RUNDC3B: variants seen among roughly 807,000 people sequenced by gnomAD.
The protein encoded by RUNDC3B is RUN domain containing 3B, also known as RUN domain-containing protein 3B.
A neutral mutation model predicts 58.4 loss-of-function variants in RUNDC3B; 33 were observed. The ratio of observed to expected loss-of-function variants is 0.56; its 90% confidence interval spans 0.43 to 0.75. The LOEUF (loss-of-function observed/expected upper bound fraction) is 0.75, where lower values mean the gene tolerates loss of function less well. Ranked by LOEUF, RUNDC3B falls within the 30% of genes least tolerant of loss-of-function variation. The probability of loss-of-function intolerance (pLI) is 0.00; values close to 1 mark genes in which losing one functional copy is unlikely to be tolerated. For synonymous variants in RUNDC3B, 193 were observed against 195.2 expected (o/e 0.99, Z 0.10); for missense variants, 501 against 535.7 (o/e 0.94, Z 0.64).
chr7:87,813,796 G>A (rs1473206500), intron 9 of RUNDC3B, among the ~76,000 whole-genome samples: 1 of 151,758 alleles, frequency 6.6e-6, no homozygotes, highest in East Asian at 2.0e-4. Context: ...TGGCTAACAC[G>A]GTGAAACCCC....
At chr7:87,641,833 A>G (rs1822488722) in intron 1 of RUNDC3B, among the ~76,000 whole-genome samples, 1 of 152,210 alleles carries the variant, frequency 6.6e-6, no homozygotes, top group South Asian at 2.1e-4. Context: ...GGTTAGGAAA[A>G]CAATATCCTC....
chr7:87,789,767 A>G (rs1419466783), intron 8 of RUNDC3B, among the ~76,000 whole-genome samples: 1 of 152,232 alleles, frequency 6.6e-6, no homozygotes, highest in East Asian at 1.9e-4. Context: ...ACAACAGGAA[A>G]GAGTAGTAAT....
At chr7:87,683,011 C>T (rs1827078550) in intron 2 of RUNDC3B, among the ~76,000 whole-genome samples, 1 of 152,200 alleles carries the variant, frequency 6.6e-6, no homozygotes, top group Non-Finnish European at 1.5e-5. Context: ...GATAAGTTAG[C>T]ACAACTTCTC....
chr7:87,765,097 A>G lies in RUNDC3B; in HGVS notation c.630-5484A>G, dbSNP rs888226760. Among the ~76,000 whole-genome samples, 4 of 151,934 alleles carry G rather than the reference A, an allele frequency of 2.6e-5. No individual in the cohort carries two copies. The East Asian group carries it at 7.7e-4, about 29-fold the overall frequency. Reference sequence around the variant, plus strand: ...AGTTTGTGCACATAAAGAGGCTCATAAAAATCTTTGATAATCTTTTGTATT... The same window carrying G: ...AGTTTGTGCACATAAAGAGGCTCATGAAAATCTTTGATAATCTTTTGTATT... On this transcript the variant is annotated intron_variant, in intron 6 of 10. Transcript: ENST00000394654.
intron 2 of RUNDC3B, among the ~76,000 whole-genome samples, chr7:87,688,401 C>T (rs1167444488): frequency 6.6e-6 from 1 of 151,464 alleles, no homozygotes; most frequent in African/African-American, 2.4e-5. Context: ...TACACATAAT[C>T]TTATGTTAAT....
intron 4 of RUNDC3B, among the ~76,000 whole-genome samples, chr7:87,711,535 G>A (rs922661788): frequency 6.6e-6 from 1 of 151,970 alleles, no homozygotes; most frequent in African/African-American, 2.4e-5. Context: ...TTCCTAATTA[G>A]CACTCATCTG....
chr7:87,684,696 C>T (rs910910100), intron 2 of RUNDC3B, among the ~76,000 whole-genome samples: 2 of 125,232 alleles, frequency 1.6e-5, no homozygotes, highest in African/African-American at 6.0e-5. Flanking sequence ...TGCAGTGAGT[C>T]GAGATCGTGC....
In RUNDC3B at chr7:87,814,263, G is replaced by A. The variant is rs568354357; in HGVS notation, c.1104-1878G>A. 1.5e-3 allele frequency among the ~76,000 whole-genome samples: 232 copies of A among 151,988 alleles called. 1 individual carries two copies. Among genetic ancestry groups the A allele is most frequent in the Non-Finnish European group, 2.6e-3 (180 of 67,950 alleles). On this transcript the variant is annotated intron_variant, in intron 9 of 10. Coordinates refer to ENST00000394654, the MANE Select transcript of RUNDC3B (RefSeq NM_001134405.2). ...TTACAGGCATCTGCCACCACGCCCA[G>A]CTAATTTTGTATTTTTAGTAGAGAT...
At chr7:87,716,859 T>G (rs1323104929) in intron 4 of RUNDC3B, among the ~76,000 whole-genome samples, 1 of 152,212 alleles carries the variant, frequency 6.6e-6, no homozygotes, top group Non-Finnish European at 1.5e-5. Flanking sequence ...TTTTTTAAGA[T>G]AGGGTCTCAC....
intron 2 of RUNDC3B, among the ~76,000 whole-genome samples, chr7:87,684,732 G>A (rs1304903581): frequency 8.8e-6 from 1 of 113,594 alleles, no homozygotes; most frequent in African/African-American, 3.3e-5. Flanking sequence ...TGGTGACAGA[G>A]TGAGACTCCG....
intron 2 of RUNDC3B, among the ~76,000 whole-genome samples, chr7:87,655,066 C>G (rs1823953482): frequency 6.6e-6 from 1 of 152,020 alleles, no homozygotes; most frequent in South Asian, 2.1e-4. Context: ...GAAAAGGGAA[C>G]CCTTGTAGTA....
chr7:87,744,354 G>C (rs1832525074), intron 6 of RUNDC3B, among the ~76,000 whole-genome samples: 1 of 152,042 alleles, frequency 6.6e-6, no homozygotes, highest in African/African-American at 2.4e-5. Flanking sequence ...GAAGAATGGT[G>C]GTGGTATTTT....
intron 7 of RUNDC3B, among the ~76,000 whole-genome samples, chr7:87,775,708 C>T (rs1442664521): frequency 6.6e-6 from 1 of 152,062 alleles, no homozygotes; most frequent in Non-Finnish European, 1.5e-5. Flanking sequence ...TTTTTACTGT[C>T]CCTTTTCTAT....
chr7:87,799,549 C>G (rs1836008146), intron 8 of RUNDC3B, among the ~76,000 whole-genome samples: 1 of 152,096 alleles, frequency 6.6e-6, no homozygotes, highest in Admixed American at 6.6e-5. Flanking sequence ...ACAAATAGTA[C>G]TGGAGCACAT....
At chr7:87,818,719 A>G (rs1223592979) in intron 10 of RUNDC3B, among the ~76,000 whole-genome samples, 1 of 152,140 alleles carries the variant, frequency 6.6e-6, no homozygotes, top group African/African-American at 2.4e-5. Context: ...GGGGTGGAGG[A>G]AAAATTAAAC....
chr7:87,724,268 A>G (rs1235167084), intron 4 of RUNDC3B, among the ~76,000 whole-genome samples: 4 of 151,842 alleles, frequency 2.6e-5, no homozygotes, highest in African/African-American at 9.7e-5. Context: ...GATACCAAGA[A>G]CTCTTTGCTA....
chr7:87,683,250 T>C (rs1212562399), intron 2 of RUNDC3B, among the ~76,000 whole-genome samples: 1 of 152,216 alleles, frequency 6.6e-6, no homozygotes, highest in African/African-American at 2.4e-5. Context: ...TTCAGACCAC[T>C]CAAACTTTCT....
chr7:87,645,653 C>G (rs1822930350), intron 1 of RUNDC3B, among the ~76,000 whole-genome samples: 1 of 152,102 alleles, frequency 6.6e-6, no homozygotes, highest in South Asian at 2.1e-4. Flanking sequence ...TCATCATTAT[C>G]AGGAAATAGC....
At chr7:87,754,841 T>G in intron 6 of RUNDC3B, among the ~76,000 whole-genome samples, 1 of 150,932 alleles carries the variant, frequency 6.6e-6, no homozygotes, top group Non-Finnish European at 1.5e-5. Context: ...ATAAATTCTT[T>G]GACACACACA....
Sources: gnomAD v4.1 joint callset for allele counts (sites outside exome capture counted in the v4.1 genomes callset) on GRCh38, gnomAD v4.1.1 for gene constraint, MANE v1.5 for transcripts, NCBI Gene and HGNC (gene_info 2026-07-23, HGNC 2026-07-21) for gene names.